NPRL3: variants seen among roughly 807,000 people sequenced by gnomAD.
NPRL3 encodes GATOR1 complex protein NPRL3.
NPRL3 carries 23 observed loss-of-function variants against 57.2 expected under a neutral mutation model. The ratio of observed to expected loss-of-function variants is 0.40; its 90% CI spans 0.29 to 0.57. The LOEUF is 0.57. NPRL3 is among the 20% of genes least tolerant of loss of function. The pLI, the probability that NPRL3 is intolerant of heterozygous loss-of-function variation, is 0.42. For missense variants in NPRL3, 691 were observed against 767.1 expected (o/e 0.90, Z 1.17); for synonymous variants, 333 against 321.1 (o/e 1.04, Z -0.39).
In NPRL3 at chr16:110,574, T is replaced by A. The variant is rs2141946177; in HGVS notation, c.580A>T (p.Ile194Phe). 1 of 1,612,062 alleles carries A rather than the reference T, an allele frequency of 6.2e-7. No individual in the cohort carries two copies. Among genetic ancestry groups the A allele is most frequent in the South Asian group, 1.1e-5 (1 of 90,476 alleles). The change falls in exon 7 of 14, where the codon ATC becomes TTC. Residue 194 changes from isoleucine (I) to phenylalanine (F), a missense_variant. Ile to Phe is a conservative substitution (Grantham distance 21). Transcript: ENST00000611875. ...NEGPQSPFHH[I>F]LPKCKLARDL... ...CTGGCCAGCTTGCACTTGGGCAGGA[T>A]GTGATGGAATGGGGACTGAGGACCT...
chr16:134,759 T>A (rs1418501464), intron 2 of NPRL3, among the ~76,000 whole-genome samples: 1 of 140,080 alleles, frequency 7.1e-6, no homozygotes, highest in African/African-American at 2.6e-5. Context: ...TGGAGTGCAG[T>A]GGCGCGATCT....
chr16:114,133 G>C (rs1006200427), intron 5 of NPRL3, among the ~76,000 whole-genome samples: 1 of 152,220 alleles, frequency 6.6e-6, no homozygotes, highest in African/African-American at 2.4e-5. Flanking sequence ...GGAGGACAAT[G>C]ATCCTGGATA....
chr16:127,889 T>C (rs1186213825), intron 3 of NPRL3, among the ~76,000 whole-genome samples: 1 of 151,474 alleles, frequency 6.6e-6, no homozygotes, highest in Admixed American at 6.6e-5. Context: ...TCTCCTGACC[T>C]CATGATCCGC....
At position 85,877 on chromosome 16, in the gene NPRL3, T is replaced by C. The variant is rs533790443; in HGVS notation, c.*828A>G. 2 of 1,285,802 alleles carry C rather than the reference T, an allele frequency of 1.6e-6. No homozygotes were observed. Among genetic ancestry groups the C allele is most frequent in the South Asian group, 4.7e-5 (2 of 42,728 alleles). The allele number at this position is 1,285,802 out of a possible 1,614,324, so 79.6% of individuals were successfully genotyped here. On this transcript the variant is annotated 3_prime_UTR_variant, in exon 14 of 14. Transcript: ENST00000611875. ...CCTTAGCCAGAGCTCCTCTAGGTGA[T>C]CAACCCATGTCTGGAGCTAGCTCTT...
intron 2 of NPRL3, among the ~76,000 whole-genome samples, chr16:136,513 C>T: frequency 6.7e-6 from 1 of 149,466 alleles, no homozygotes. Context: ...CATGGTGAAA[C>T]CCCATCTCTA....
chr16:95,358 C>T (rs377196995), intron 9 of NPRL3, among the ~76,000 whole-genome samples: 37,869 of 83,220 alleles, frequency 0.46, 6,558 homozygotes, highest in Non-Finnish European at 0.59. Flanking sequence ...TATACACACA[C>T]ACACACACAC....
Position 138,256 on chromosome 16 carries a change from G to A in NPRL3, c.12C>T (p.Asn4=), listed in dbSNP as rs1719721939. MRD[N]TSPISVILVS... ...CCAGAATCACGCTGATGGGGCTGGT[G>A]TTGTCCCGCATCCCGCCGTGGGGCC... Residue 4 remains asparagine, a synonymous_variant, in exon 2 of 14, where the codon AAC becomes AAT. Coordinates refer to ENST00000611875, the MANE Select transcript of NPRL3 (RefSeq NM_001077350.3). The A allele has an allele frequency of 6.2e-7, 1 of 1,603,850 alleles. No homozygotes were observed. The highest frequency in any genetic ancestry group is 1.3e-5 in the African/African-American group (1 of 74,696).
chr16:112,626 AGCCATGGCG>A lies in NPRL3; in HGVS notation c.534_542del (p.Ala179_Ala181del), dbSNP rs1202115870. 1 of 1,580,922 alleles carries A rather than the reference AGCCATGGCG, an allele frequency of 6.3e-7. No homozygotes were observed. The highest frequency in any genetic ancestry group is 8.6e-7 in the Non-Finnish European group (1 of 1,160,402). On this transcript the variant is annotated inframe_deletion, in exon 6 of 14. Transcript: ENST00000611875. The stretch of plus-strand genomic sequence containing the variant: ...ATCACGCCCTGCTGCACTCACCATC[AGCCATGGCG>A]GACACCTCATCCTGGAGCGCCAGGA...
At chr16:98,332 C>T (rs911402009) in intron 8 of NPRL3, 31 bp from the exon 9 acceptor site, 9 of 1,608,492 alleles carry the variant, frequency 5.6e-6, no homozygotes, top group South Asian at 5.5e-5. Flanking sequence ...ACGGAACACA[C>T]GAAGTGCAGG....
chr16:131,382 GGCAAGA>G (rs1900785199), intron 2 of NPRL3, among the ~76,000 whole-genome samples: 11 of 145,492 alleles, frequency 7.6e-5, no homozygotes, highest in African/African-American at 1.9e-4. Context: ...TGGAGGGTGA[GGCAAGA>G]GAATGGTGTG....
intron 2 of NPRL3, among the ~76,000 whole-genome samples, chr16:135,389 T>C (rs952470944): frequency 2.0e-5 from 3 of 152,090 alleles, no homozygotes; most frequent in Admixed American, 1.3e-4. Context: ...GGAAGGCAGA[T>C]CACGAGGTCA....
intron 9 of NPRL3, among the ~76,000 whole-genome samples, chr16:93,564 G>GTTTT (rs34541011): frequency 1.5e-5 from 2 of 135,458 alleles, no homozygotes; most frequent in African/African-American, 2.8e-5. Context: ...GTGAGCAATG[G>GTTTT]TTTTTTTTTT....
At chr16:118,251 T>C (rs776182467) in intron 4 of NPRL3, among the ~76,000 whole-genome samples, 1 of 152,210 alleles carries the variant, frequency 6.6e-6, no homozygotes, top group Non-Finnish European at 1.5e-5. Context: ...ATCTTAGTAA[T>C]GCCATCACTG....
At chr16:91,778 C>T (rs1211417889) in intron 11 of NPRL3, among the ~76,000 whole-genome samples, 2 of 152,226 alleles carry the variant, frequency 1.3e-5, no homozygotes, top group Non-Finnish European at 2.9e-5. Flanking sequence ...CTGGCACTTA[C>T]TCAGATACTT....
chr16:97,608 C>G (rs527398545), intron 9 of NPRL3, among the ~76,000 whole-genome samples: 19 of 152,190 alleles, frequency 1.2e-4, no homozygotes, highest in African/African-American at 4.3e-4. Context: ...GGGCAGCCCT[C>G]TGCATGGACA....
intron 13 of NPRL3, 149 bp downstream of exon 13, chr16:88,549 C>G: frequency 1.4e-6 from 1 of 733,322 alleles, no homozygotes; most frequent in South Asian, 1.9e-5. Flanking sequence ...GTGGCACCTG[C>G]CCCTACACAC....
At chr16:99,459 A>G (rs1309202699) in intron 8 of NPRL3, among the ~76,000 whole-genome samples, 1 of 152,038 alleles carries the variant, frequency 6.6e-6, no homozygotes, top group African/African-American at 2.4e-5. Flanking sequence ...CCTGGCCAAC[A>G]TGGTGAAACC....
At chr16:131,307 G>T (rs145217130) in intron 2 of NPRL3, among the ~76,000 whole-genome samples, 1 of 151,890 alleles carries the variant, frequency 6.6e-6, no homozygotes, top group African/African-American at 2.4e-5. Flanking sequence ...GTGAAACCCC[G>T]TCTCTACTAA....
chr16:96,484 A>G (rs936741629), intron 9 of NPRL3, among the ~76,000 whole-genome samples: 7 of 151,896 alleles, frequency 4.6e-5, no homozygotes, highest in Admixed American at 4.6e-4. Context: ...TGGGCAGGAC[A>G]TGGTGTTTAC....
Sources: allele counts gnomAD v4.1 joint callset (sites outside exome capture counted in the v4.1 genomes callset), GRCh38; gene constraint gnomAD v4.1.1; transcripts MANE v1.5; gene names NCBI Gene and HGNC (gene_info 2026-07-23, HGNC 2026-07-21).